Variants in LYPD2 observed in about 807,000 individuals in gnomAD.
The protein encoded by LYPD2 is ly6/PLAUR domain-containing protein 2.
Under a neutral mutation model 7.1 loss-of-function variants are expected in LYPD2, and 5 were observed. The observed-to-expected ratio is 0.70, with a 90% CI of 0.37 to 1.48. The LOEUF (loss-of-function observed/expected upper bound fraction) is 1.48. LYPD2 is among the 40% of genes most tolerant of loss of function. The pLI is 0.03. For synonymous variants in LYPD2, 78 were observed against 82.0 expected (o/e 0.95, Z 0.26); for missense variants, 177 against 171.0 (o/e 1.04, Z -0.20).
At chr8:142,750,953 C>T in intron 2 of LYPD2, 98 bp downstream of exon 2, 1 of 1,572,952 alleles carries the variant, frequency 6.4e-7, no homozygotes, top group Non-Finnish European at 8.6e-7. Context: ...TGCCCGCCTT[C>T]CGTGCTCACT....
intron 1 of LYPD2, 65 bp downstream of exon 1, chr8:142,752,329 C>A: frequency 6.3e-6 from 10 of 1,594,690 alleles, no homozygotes; most frequent in Non-Finnish European, 8.6e-6. Flanking sequence ...CTCCCGGGAA[C>A]AGTGTGAATG....
At chr8:142,750,590 G>A in intron 2 of LYPD2, 108 bp from the exon 3 acceptor site, 3 of 1,089,608 alleles carry the variant, frequency 2.8e-6, no homozygotes, top group Non-Finnish European at 4.0e-6. Context: ...ACCCACCCGG[G>A]TCTCCGTCCC....
rs772125171 is a variant in LYPD2 at position 142,750,354 on chromosome 8, C to A, written c.307G>T (p.Gly103Trp). Residue 103 changes from glycine (G) to tryptophan (W), a missense_variant, in exon 3 of 3, where the codon GGG becomes TGG. Gly to Trp is a radical substitution (Grantham distance 184, BLOSUM62 -2). Coordinates refer to ENST00000359228, the MANE Select transcript of LYPD2 (RefSeq NM_205545.3). ...CCNTELCNVD[G>W]APALNSLHCG... ...TGGAGGCTGTTCAGAGCGGGCGCCC[C>A]GTCTACATTGCACAGCTCAGTATTG... 1.3e-6 allele frequency: 2 copies of A among 1,560,448 alleles called. No individual in the cohort carries two copies. Among genetic ancestry groups the A allele is most frequent in the Admixed American group, 1.9e-5 (1 of 52,202 alleles).
At chr8:142,751,204 T>A (rs972580714) in intron 1 of LYPD2, 34 bp from the exon 2 acceptor site, 1 of 1,610,508 alleles carries the variant, frequency 6.2e-7, no homozygotes, top group Non-Finnish European at 8.5e-7. Context: ...TCAGGCAGGC[T>A]CCACCCCTCC....
intron 2 of LYPD2, 21 bp downstream of exon 2, chr8:142,751,030 C>T (rs1286710478): frequency 1.2e-6 from 2 of 1,613,888 alleles, no homozygotes; most frequent in Non-Finnish European, 1.7e-6. Context: ...CCGGCCCTGC[C>T]CGCCTTCTGT....
At chr8:142,750,532 G>T (rs1323572458) in intron 2 of LYPD2, 50 bp from the exon 3 acceptor site, 3 of 1,531,334 alleles carry the variant, frequency 2.0e-6, no homozygotes, top group Non-Finnish European at 2.7e-6. Context: ...CTGCCTCCAA[G>T]CCCTGGTCCC....
At chr8:142,751,229 G>A in intron 1 of LYPD2, 59 bp from the exon 2 acceptor site, 1 of 1,600,588 alleles carries the variant, frequency 6.2e-7, no homozygotes, top group African/African-American at 1.3e-5. Flanking sequence ...CCCAGAGACA[G>A]TCTGTCCTGG....
chr8:142,751,320 C>T (rs1206426534), intron 1 of LYPD2, 150 bp from the exon 2 acceptor site: 24 of 1,140,014 alleles, frequency 2.1e-5, no homozygotes, highest in Non-Finnish European at 2.9e-5. Context: ...ATGCCAGGAG[C>T]CTGCAGCTGG....
chr8:142,751,520 G>T (rs973098740), intron 1 of LYPD2, among the ~76,000 whole-genome samples: 1 of 152,206 alleles, frequency 6.6e-6, no homozygotes, highest in Non-Finnish European at 1.5e-5. Flanking sequence ...GCCTTGGGTG[G>T]GGGCGTGGCT....
intron 2 of LYPD2, 124 bp from the exon 3 acceptor site, chr8:142,750,606 GC>G: frequency 1.1e-6 from 1 of 896,198 alleles, no homozygotes; most frequent in Non-Finnish European, 1.7e-6. Context: ...GTCCCTCCTG[GC>G]CCAGTGCCCT....
intron 1 of LYPD2, 141 bp from the exon 2 acceptor site, chr8:142,751,311 T>A (rs1270023739): frequency 9.2e-6 from 11 of 1,191,930 alleles, no homozygotes; most frequent in Non-Finnish European, 1.3e-5. Flanking sequence ...TCAGGAGCAA[T>A]GCCAGGAGCC....
rs1003754941 is a variant in LYPD2 at position 142,750,306 on chromosome 8, G to T, written c.355C>A (p.Pro119Thr). The T allele has an allele frequency of 1.3e-6, 2 of 1,552,664 alleles. No individual in the cohort carries two copies. The highest frequency in any genetic ancestry group is 2.7e-5 in the African/African-American group (2 of 73,180). Residue 119 changes from proline to threonine, a missense_variant, in exon 3 of 3, where the codon CCA becomes ACA. Transcript: ENST00000359228. ...CTCTACAGTCGGAGGCTCAAGAGTG[G>T]GAGGAGCGTGAGGGCCCCGCAGTGG... ...SLHCGALTLL[P>T]LLSLRL is the part of the protein sequence containing the mutation.
Position 142,750,477 on chromosome 8 carries a change from G to T in LYPD2, c.184C>A (p.Pro62Thr), listed in dbSNP as rs748762835. 35 of 1,578,860 alleles carry T rather than the reference G, an allele frequency of 2.2e-5. No homozygotes were observed. The highest frequency in any genetic ancestry group is 2.9e-5 in the Non-Finnish European group (34 of 1,162,234). Residue 62 changes from proline (P) to threonine (T), a missense_variant, in exon 3 of 3, where the codon CCC (proline) becomes ACC (threonine). By Grantham distance (38) the Pro-to-Thr change is conservative. Transcript: ENST00000359228. ...GTCACCGTGGAGTCCCCCTGGAAGG[G>T]GTACACTGTGGGGTGTGGGAAGAGT... ...TTLYSREIVY[P>T]FQGDSTVTKS...
Position 142,750,490 on chromosome 8 carries a change from G to C in LYPD2, c.179-8C>G. ...CCCCCTGGAAGGGGTACACTGTGGG[G>C]TGTGGGAAGAGTCAGCCGTCAGGGC... is the stretch of plus-strand genomic sequence containing the variant. On this transcript the variant is annotated splice_region_variant and splice_polypyrimidine_tract_variant and intron_variant, in intron 2 of 2. Coordinates refer to ENST00000359228, the MANE Select transcript of LYPD2 (RefSeq NM_205545.3). The C allele has an allele frequency of 6.4e-7, 1 of 1,573,010 alleles. No homozygotes were observed. Among genetic ancestry groups the C allele is most frequent in the African/African-American group, 1.3e-5 (1 of 74,092 alleles).
Position 142,750,458 on chromosome 8 carries a change from G to A in LYPD2, c.203C>T (p.Thr68Met), listed in dbSNP as rs781424827. ...CTTGCTGGCACAGGACTTGGTCACC[G>A]TGGAGTCCCCCTGGAAGGGGTACAC... The part of the protein sequence containing the change: ...EIVYPFQGDS[T>M]VTKSCASKCK... The change falls in exon 3 of 3, where the codon ACG becomes ATG. Residue 68 changes from threonine (T) to methionine (M), a missense_variant. Coordinates refer to ENST00000359228, the MANE Select transcript of LYPD2 (RefSeq NM_205545.3). 1.7e-5 allele frequency: 27 copies of A among 1,587,696 alleles called. No individual in the cohort carries two copies. The highest frequency in any genetic ancestry group is 5.3e-5 in the Admixed American group (3 of 56,498).
chr8:142,752,366 C>T (rs919455529), intron 1 of LYPD2, 28 bp downstream of exon 1: 1 of 1,613,136 alleles, frequency 6.2e-7, no homozygotes, highest in Admixed American at 1.7e-5. Context: ...CCCTCCGTCC[C>T]AGCTCCCCTG....
chr8:142,750,464 T>C lies in LYPD2; in HGVS notation c.197A>G (p.Asp66Gly). The change falls in exon 3 of 3, where the codon GAC (aspartate) becomes GGC (glycine). Residue 66 changes from aspartate to glycine, a missense_variant. Coordinates refer to ENST00000359228, the MANE Select transcript of LYPD2 (RefSeq NM_205545.3). The stretch of plus-strand genomic sequence containing the variant: ...GGCACAGGACTTGGTCACCGTGGAG[T>C]CCCCCTGGAAGGGGTACACTGTGGG... Reference protein sequence around the residue: ...SREIVYPFQGDSTVTKSCASK... With the variant: ...SREIVYPFQGGSTVTKSCASK... 6.3e-7 allele frequency: 1 copy of C among 1,585,704 alleles called. No homozygotes were observed. Among genetic ancestry groups the C allele is most frequent in the East Asian group, 2.3e-5 (1 of 43,322 alleles).
chr8:142,752,460 C>G lies in LYPD2; in HGVS notation c.-9G>C, dbSNP rs373368453. ...AGCCGCGTCCCCCGCATGGTCCCGG[C>G]CCACTCCTCTGTGCTCTCACCCCAG... is the stretch of plus-strand genomic sequence containing the variant. On this transcript the variant is annotated 5_prime_UTR_variant, in exon 1 of 3. Coordinates refer to ENST00000359228, the MANE Select transcript of LYPD2 (RefSeq NM_205545.3). 5.6e-6 allele frequency: 9 copies of G among 1,613,128 alleles called. No individual in the cohort carries two copies. The highest frequency in any genetic ancestry group is 7.6e-6 in the Non-Finnish European group (9 of 1,179,724).
chr8:142,750,948 G>A (rs906101319), intron 2 of LYPD2, 103 bp downstream of exon 2: 66 of 1,561,674 alleles, frequency 4.2e-5, no homozygotes, highest in East Asian at 1.6e-4. Context: ...AGCCCTGCCC[G>A]CCTTCCGTGC....
Sources: allele counts gnomAD v4.1 joint callset (sites outside exome capture counted in the v4.1 genomes callset), GRCh38; gene constraint gnomAD v4.1.1; transcripts MANE v1.5; gene names NCBI Gene and HGNC (gene_info 2026-07-23, HGNC 2026-07-21).